Variants in KMO observed in about 807,000 individuals in gnomAD.
The protein encoded by KMO is kynurenine 3-hydroxylase.
KMO carries 24 observed loss-of-function variants against 57.8 expected under a neutral mutation model. The observed-to-expected ratio is 0.42, with a 90% CI of 0.30 to 0.58. The LOEUF is 0.58. Ranked by LOEUF, KMO falls within the 20% of genes least tolerant of loss-of-function variation. KMO has a pLI of 0.22. For synonymous variants in KMO, 210 were observed against 193.6 expected, an observed-to-expected ratio of 1.08 and a Z score of -0.70; for missense variants, 483 against 588.2, an observed-to-expected ratio of 0.82 and a Z score of 1.85.
chr1:241,563,773 T>G (rs1179049732), intron 7 of KMO, among the ~76,000 whole-genome samples: 1 of 152,246 alleles, frequency 6.6e-6, no homozygotes, highest in Non-Finnish European at 1.5e-5. Flanking sequence ...CATGGCAATG[T>G]GACTCAGACA....
intron 10 of KMO, among the ~76,000 whole-genome samples, chr1:241,572,476 C>G (rs1662339191): frequency 6.6e-6 from 1 of 151,928 alleles, no homozygotes; most frequent in South Asian, 2.1e-4. Context: ...TTTTCTGTGT[C>G]TAGCTAAAGG....
intron 14 of KMO, 73 bp from the exon 15 acceptor site, chr1:241,591,880 T>G (rs1663314975): frequency 8.2e-7 from 1 of 1,215,410 alleles, no homozygotes; most frequent in Admixed American, 1.8e-5. Context: ...ACCCCTTTGT[T>G]GTTAAAAAAT....
chr1:241,566,680 A>G (rs1662092050), intron 9 of KMO, 68 bp downstream of exon 9: 28 of 1,555,216 alleles, frequency 1.8e-5, no homozygotes, highest in Non-Finnish European at 2.3e-5. Context: ...AAGGTTATGC[A>G]CCTGATTTCA....
intron 1 of KMO, among the ~76,000 whole-genome samples, chr1:241,546,268 C>A (rs12093317): frequency 0.041 from 6,255 of 152,212 alleles, 156 homozygotes; most frequent in African/African-American, 0.066. Context: ...AAATTTTGTA[C>A]TTCTAGTTTC....
intron 10 of KMO, among the ~76,000 whole-genome samples, chr1:241,577,260 C>T (rs2147975193): frequency 6.6e-6 from 1 of 152,118 alleles, no homozygotes; most frequent in East Asian, 1.9e-4. Context: ...GGTATGGATC[C>T]ATTGCTGGAA....
intron 4 of KMO, among the ~76,000 whole-genome samples, chr1:241,551,809 G>A (rs903394067): frequency 1.3e-5 from 2 of 152,174 alleles, no homozygotes; most frequent in African/African-American, 2.4e-5. Flanking sequence ...CCTCAGCAGA[G>A]CTCTCATTGA....
intron 1 of KMO, among the ~76,000 whole-genome samples, chr1:241,535,922 A>C (rs976261376): frequency 6.6e-6 from 1 of 152,152 alleles, no homozygotes. Context: ...TGTTATGCAT[A>C]GTTTATTCCC....
intron 2 of KMO, among the ~76,000 whole-genome samples, chr1:241,549,277 G>GGAAA (rs1553346382): frequency 1.5e-5 from 2 of 134,860 alleles, no homozygotes; most frequent in Admixed American, 7.4e-5. Flanking sequence ...AAGGAAGGAA[G>GGAAA]AAAGAAAGAA....
At position 241,549,667 on chromosome 1, in the gene KMO, A is replaced by G; in HGVS notation, c.125-10A>G. On this transcript the variant is annotated splice_polypyrimidine_tract_variant and intron_variant, in intron 2 of 14. Coordinates refer to ENST00000366559, the MANE Select transcript of KMO (RefSeq NM_003679.5). ...TGTGCGTAACATGGAGTCTGCTTCC[A>G]ATGTCTCAGATACTCGAGTGGCTAC... The G allele has an allele frequency of 3.8e-6, 6 of 1,589,024 alleles. No homozygotes were observed. The highest frequency in any genetic ancestry group is 5.2e-6 in the Non-Finnish European group (6 of 1,157,882).
rs200533831 is a variant in KMO at position 241,549,198 on chromosome 1, A to AAAGGAAGGAAGGAAGG, written c.124+307_124+308insGAAGGAAGGAAGGAAG. Among the ~76,000 whole-genome samples the AAAGGAAGGAAGGAAGG allele has an allele frequency of 4.7e-4, 56 of 119,492 alleles. 2 individuals carry two copies. The highest frequency in any genetic ancestry group is 1.8e-3 in the African/African-American group (55 of 30,546). The allele number at this position is 119,492 out of a possible 152,430, so 78.4% of individuals were successfully genotyped here. A position where few individuals can be genotyped will look rare whatever the true frequency, so the allele number is the denominator to read the frequency against. ...AGAGAAAGAGAGAGAGAGAGAAAGA[A>AAAGGAAGGAAGGAAGG]AAGGAAGAAAGAAAGAAAGAAAGAA... On this transcript the variant is annotated intron_variant, in intron 2 of 14. Transcript: ENST00000366559.
At chr1:241,580,209 A>G (rs1195691177) in intron 10 of KMO, among the ~76,000 whole-genome samples, 2 of 152,110 alleles carry the variant, frequency 1.3e-5, no homozygotes, top group African/African-American at 4.8e-5. Context: ...TTTTCCTGTT[A>G]AGTTCCTGTG....
chr1:241,581,605 GA>G (rs1428349439), intron 10 of KMO, among the ~76,000 whole-genome samples: 2 of 150,134 alleles, frequency 1.3e-5, no homozygotes, highest in African/African-American at 2.4e-5. Flanking sequence ...AAAGAAAGAA[GA>G]AAAAAAGAGA....
At chr1:241,584,362 A>T (rs1433050938) in intron 10 of KMO, among the ~76,000 whole-genome samples, 1 of 152,344 alleles carries the variant, frequency 6.6e-6, no homozygotes, top group East Asian at 1.9e-4. Flanking sequence ...GGTGCTGGAG[A>T]AGATGTGGAG....
At chr1:241,586,651 T>G (rs1663001429) in intron 10 of KMO, 28 bp from the exon 11 acceptor site, 1 of 1,454,662 alleles carries the variant, frequency 6.9e-7, no homozygotes, top group East Asian at 2.3e-5. Context: ...TTCTAGTTTC[T>G]TATTTCTCTT....
chr1:241,544,188 T>C (rs988762830), intron 1 of KMO, among the ~76,000 whole-genome samples: 39 of 152,200 alleles, frequency 2.6e-4, no homozygotes, highest in African/African-American at 9.4e-4. Flanking sequence ...ACTGATCACT[T>C]GTTGTTTAGA....
chr1:241,560,301 A>G (rs111513324), intron 5 of KMO, among the ~76,000 whole-genome samples: 4 of 152,338 alleles, frequency 2.6e-5, no homozygotes, highest in African/African-American at 9.6e-5. Flanking sequence ...AAGGAGTTTG[A>G]CTGAATATTT....
chr1:241,561,808 T>G (rs923727998), intron 6 of KMO, among the ~76,000 whole-genome samples: 8 of 152,208 alleles, frequency 5.3e-5, no homozygotes, highest in Non-Finnish European at 7.4e-5. Flanking sequence ...TCAAGACAAA[T>G]GTATTGTTCT....
Position 241,593,487 on chromosome 1 carries a change from C to CAGTGTTTCTATTCTATATT in KMO, c.*1335_*1336insGTGTTTCTATTCTATATTA. The stretch of plus-strand genomic sequence containing the variant: ...ATTCAGTGTTTCTTTTCTATATTGT[C>CAGTGTTTCTATTCTATATT]AATGAAAACCTTGAGTTCTAATAAT... On this transcript the variant is annotated 3_prime_UTR_variant, in exon 15 of 15. Transcript: ENST00000366559. 1 of 313,000 alleles carries CAGTGTTTCTATTCTATATT rather than the reference C, an allele frequency of 3.2e-6. No individual in the cohort carries two copies. Among genetic ancestry groups the CAGTGTTTCTATTCTATATT allele is most frequent in the Admixed American group, 3.1e-5 (1 of 32,234 alleles). The allele number at this position is 313,000 out of a possible 1,614,324, so 19.4% of individuals were successfully genotyped here.
intron 10 of KMO, among the ~76,000 whole-genome samples, chr1:241,582,246 C>T (rs1191968473): frequency 6.6e-6 from 1 of 152,070 alleles, no homozygotes; most frequent in East Asian, 1.9e-4. Context: ...TTGATGTAGC[C>T]TTATTTGGCT....
Sources: allele counts gnomAD v4.1 joint callset (sites outside exome capture counted in the v4.1 genomes callset), GRCh38; gene constraint gnomAD v4.1.1; transcripts MANE v1.5; gene names NCBI Gene and HGNC (gene_info 2026-07-23, HGNC 2026-07-21).